IGF2R: variants seen among roughly 807,000 people sequenced by gnomAD.
IGF2R encodes the protein cation-independent mannose-6-phosphate receptor.
In IGF2R, 91 loss-of-function variants were observed where a neutral mutation model predicts 270.6. The observed-to-expected ratio is 0.34, with a 90% CI of 0.28 to 0.40. The LOEUF (loss-of-function observed/expected upper bound fraction) is 0.40, where lower values mean the gene tolerates loss of function less well. IGF2R is among the 10% of genes least tolerant of loss of function. IGF2R has a pLI of 1.00. For synonymous variants in IGF2R, 1,316 were observed against 1,258.9 expected, an observed-to-expected ratio of 1.05 and a Z score of -0.96; for missense variants, 2,805 against 3,188.3, an observed-to-expected ratio of 0.88 and a Z score of 2.90.
chr6:160,061,748 TC>T lies in IGF2R; in HGVS notation c.3407-3del, dbSNP rs1468584042. On this transcript the variant is annotated splice_region_variant and splice_polypyrimidine_tract_variant and intron_variant, in intron 24 of 47. Coordinates refer to ENST00000356956, the MANE Select transcript of IGF2R (RefSeq NM_000876.4). ...ATGCCCAAACCACTTATTCTGTTCTTCCAGGCAGCGCAGTGGGGTCTTGCTT... is the reference window on the plus strand; with the variant it reads ...ATGCCCAAACCACTTATTCTGTTCTTCAGGCAGCGCAGTGGGGTCTTGCTT... 5.6e-6 allele frequency: 9 copies of T among 1,614,008 alleles called. No homozygotes were observed. Among genetic ancestry groups the T allele is most frequent in the Non-Finnish European group, 6.8e-6 (8 of 1,180,014 alleles).
chr6:160,010,520 G>A (rs1241855514), intron 3 of IGF2R, 167 bp from the exon 4 acceptor site: 1 of 523,622 alleles, frequency 1.9e-6, no homozygotes, highest in Non-Finnish European at 3.4e-6. Context: ...AGAATTTGCA[G>A]ATTTGGGAAC....
At chr6:160,018,586 A>C (rs1777358771) in intron 4 of IGF2R, among the ~76,000 whole-genome samples, 1 of 152,218 alleles carries the variant, frequency 6.6e-6, no homozygotes, top group Non-Finnish European at 1.5e-5. Flanking sequence ...AACAAGTCTC[A>C]ATAAATTGAA....
In IGF2R at chr6:160,089,938, A is replaced by C. The variant is rs1440989082; in HGVS notation, c.6490A>C (p.Met2164Leu). The C allele has an allele frequency of 6.3e-7, 1 of 1,593,160 alleles. No homozygotes were observed. The highest frequency in any genetic ancestry group is 1.8e-5 in the Admixed American group (1 of 56,184). The change falls in exon 44 of 48, where the codon ATG becomes CTG. Residue 2164 changes from methionine to leucine, a missense_variant. Met to Leu is a conservative substitution (Grantham distance 15). Transcript: ENST00000356956. ...YFKLFRASGDMRTNGDNYLYE... is the reference protein window; with the variant it reads ...YFKLFRASGDLRTNGDNYLYE... ...CAGGCTGTTCAGAGCCTCTGGGGAC[A>C]TGAGGACCAATGGGGACAACTACCT...
intron 2 of IGF2R, among the ~76,000 whole-genome samples, chr6:160,000,083 G>A (rs990932530): frequency 4.1e-4 from 62 of 152,298 alleles, no homozygotes; most frequent in African/African-American, 1.4e-3. Context: ...GAGAAAAATG[G>A]CAAAGTCAAA....
intron 3 of IGF2R, among the ~76,000 whole-genome samples, chr6:160,009,543 C>T (rs1461426121): frequency 6.6e-6 from 1 of 152,112 alleles, no homozygotes; most frequent in Non-Finnish European, 1.5e-5. Context: ...GAGATACCCA[C>T]ATCTATTTAG....
At chr6:160,085,786 A>G (rs1779086105) in intron 41 of IGF2R, among the ~76,000 whole-genome samples, 1 of 152,230 alleles carries the variant, frequency 6.6e-6, no homozygotes, top group Non-Finnish European at 1.5e-5. Context: ...AGATGGAGAA[A>G]GAGAATTCCG....
At chr6:160,053,925 C>T (rs1309292155) in intron 19 of IGF2R, among the ~76,000 whole-genome samples, 4 of 152,030 alleles carry the variant, frequency 2.6e-5, no homozygotes, top group Non-Finnish European at 5.9e-5. Context: ...TCTATGTGGC[C>T]CAAGCTGGTC....
chr6:159,973,779 A>T (rs1298976555), intron 1 of IGF2R, among the ~76,000 whole-genome samples: 1 of 152,224 alleles, frequency 6.6e-6, no homozygotes, highest in East Asian at 1.9e-4. Context: ...TCAGCATTTC[A>T]TAGAGAGAGG....
At chr6:160,039,736 A>G (rs1310469774) in intron 10 of IGF2R, among the ~76,000 whole-genome samples, 3 of 152,094 alleles carry the variant, frequency 2.0e-5, no homozygotes, top group African/African-American at 7.2e-5. Context: ...GTGCCCACGG[A>G]CCCCTAGCCT....
intron 15 of IGF2R, 27 bp downstream of exon 15, chr6:160,046,672 T>G (rs754394635): frequency 1.2e-6 from 2 of 1,604,200 alleles, no homozygotes; most frequent in Non-Finnish European, 1.7e-6. Flanking sequence ...TTCTGTTTCA[T>G]TCTTAGGCAT....
chr6:160,072,105 T>G (rs1247179466), intron 32 of IGF2R, 69 bp downstream of exon 32: 7 of 1,599,218 alleles, frequency 4.4e-6, no homozygotes, highest in Non-Finnish European at 5.1e-6. Context: ...ACCCAGCTCA[T>G]CAGGGGAGAG....
At chr6:160,082,591 T>A (rs9457826) in intron 39 of IGF2R, among the ~76,000 whole-genome samples, 68,418 of 151,762 alleles carry the variant, frequency 0.45, 16,109 homozygotes, top group East Asian at 0.67. Flanking sequence ...ATTACAGGCG[T>A]GAGCCACCGC....
At chr6:160,088,967 C>T (rs898214157) in intron 42 of IGF2R, 140 bp from the exon 43 acceptor site, 12 of 801,126 alleles carry the variant, frequency 1.5e-5, no homozygotes, top group African/African-American at 5.3e-5. Flanking sequence ...GTGGGGGCCT[C>T]GGGACCCAAC....
At chr6:160,018,833 G>C (rs758481167) in intron 4 of IGF2R, among the ~76,000 whole-genome samples, 1 of 152,068 alleles carries the variant, frequency 6.6e-6, no homozygotes, top group African/African-American at 2.4e-5. Flanking sequence ...TAAGTGGGAA[G>C]TTTATAGTGT....
intron 1 of IGF2R, among the ~76,000 whole-genome samples, chr6:159,980,239 G>GAAA (rs1562330724): frequency 3.4e-5 from 5 of 145,852 alleles, no homozygotes; most frequent in Middle Eastern, 3.6e-3. Flanking sequence ...AAGAAAGAAA[G>GAAA]GTACATGGAA....
In IGF2R at chr6:160,046,608, T is replaced by G; in HGVS notation, c.2014T>G (p.Cys672Gly). The G allele has an allele frequency of 6.2e-7, 1 of 1,613,488 alleles. No homozygotes were observed. Among genetic ancestry groups the G allele is most frequent in the Non-Finnish European group, 8.5e-7 (1 of 1,179,888 alleles). Residue 672 changes from cysteine (C) to glycine (G), a missense_variant, in exon 15 of 48, where the codon TGT (cysteine) becomes GGT (glycine). By Grantham distance (159) the Cys-to-Gly change is radical. Around this residue, in one of 2 missense-constraint regions of IGF2R, gnomAD observed 954 missense variants for 981.1 expected, o/e 0.97. Transcript: ENST00000356956. ...GTGTGGCCCGGTGTCTGTGAGCCCC[T>G]GTCAGCCAGACTCAGGAGCCTGCCA... ...NVCGPVSVSPCQPDSGACQVA... is the reference protein window; with the variant it reads ...NVCGPVSVSPGQPDSGACQVA...
intron 2 of IGF2R, chr6:160,005,750 C>T (rs1327696573): frequency 8.9e-6 from 1 of 112,198 alleles, no homozygotes; most frequent in African/African-American, 3.3e-5. Flanking sequence ...GCCCCATTCT[C>T]TCCCCTCCCC....
chr6:160,104,190 A>G (rs1438455150), intron 47 of IGF2R, among the ~76,000 whole-genome samples: 1 of 152,178 alleles, frequency 6.6e-6, no homozygotes, highest in Non-Finnish European at 1.5e-5. Flanking sequence ...TCTGGATCAA[A>G]GGACATAATG....
intron 44 of IGF2R, among the ~76,000 whole-genome samples, chr6:160,090,928 G>A (rs893901315): frequency 2.0e-5 from 3 of 148,256 alleles, no homozygotes; most frequent in East Asian, 2.0e-4. Flanking sequence ...CAGGTGCTCC[G>A]TGCCCTGGTG....
Sources: gnomAD v4.1 joint callset for allele counts (sites outside exome capture counted in the v4.1 genomes callset) on GRCh38, gnomAD v4.1.1 for gene constraint, gnomAD v4.1.1 regional missense constraint, MANE v1.5 for transcripts, NCBI Gene and HGNC (gene_info 2026-07-23, HGNC 2026-07-21) for gene names.